Variants in PNPLA7 observed in about 807,000 individuals in gnomAD.
PNPLA7 encodes patatin like domain 7, lysophospholipase, also known as patatin-like phospholipase domain-containing protein 7.
In PNPLA7, 153 loss-of-function variants were observed where a neutral mutation model predicts 161.7. The observed-to-expected ratio is 0.95, with a 90% confidence interval of 0.83 to 1.08. PNPLA7 has a LOEUF of 1.08. Among genes scored for constraint, PNPLA7 ranks in the 50% least tolerant of loss-of-function variants. PNPLA7 has a pLI of 0.00. For synonymous variants in PNPLA7, 809 were observed against 782.1 expected (o/e 1.03, Z -0.57); for missense variants, 1,739 against 1,856.6 (o/e 0.94, Z 1.16).
intron 8 of PNPLA7, among the ~76,000 whole-genome samples, chr9:137,530,131 AT>A (rs1262828756): frequency 6.6e-6 from 1 of 151,426 alleles, no homozygotes; most frequent in Non-Finnish European, 1.5e-5. Context: ...CACCCAGCTA[AT>A]TTTTTTGTAT....
chr9:137,502,904 C>T (rs1226160029), intron 14 of PNPLA7, among the ~76,000 whole-genome samples: 3 of 151,566 alleles, frequency 2.0e-5, no homozygotes, highest in Non-Finnish European at 2.9e-5. Context: ...CCACCAGTGA[C>T]GTGCTATGAT....
chr9:137,461,489 A>T (rs751702745), intron 33 of PNPLA7, 47 bp downstream of exon 33: 150 of 1,553,566 alleles, frequency 9.7e-5, no homozygotes, highest in Non-Finnish European at 1.3e-4. Flanking sequence ...ACACAGCATC[A>T]GGAGGTCACG....
At chr9:137,504,598 G>C (rs1833811724) in intron 14 of PNPLA7, among the ~76,000 whole-genome samples, 1 of 152,206 alleles carries the variant, frequency 6.6e-6, no homozygotes, top group Non-Finnish European at 1.5e-5. Flanking sequence ...AAACCACTGA[G>C]AACCACTCAT....
chr9:137,460,628 C>T lies in PNPLA7; in HGVS notation c.3945+6G>A, dbSNP rs775071174. The T allele has an allele frequency of 1.2e-6, 2 of 1,611,120 alleles. No homozygotes were observed. The highest frequency in any genetic ancestry group is 4.5e-5 in the East Asian group (2 of 44,864). On this transcript the variant is annotated splice_donor_region_variant and intron_variant, in intron 34 of 34. Transcript: ENST00000406427. Reference sequence around the variant, plus strand: ...GCACCAGGTGGGACCATGCCCAGCTCCTCACCAAGTCTGAGCCCTGCTGGG... The same window carrying T: ...GCACCAGGTGGGACCATGCCCAGCTTCTCACCAAGTCTGAGCCCTGCTGGG...
chr9:137,460,543 C>T, intron 34 of PNPLA7, 67 bp from the exon 35 acceptor site: 6 of 1,600,336 alleles, frequency 3.7e-6, no homozygotes, highest in Admixed American at 1.7e-5. Flanking sequence ...GCTGGTAACC[C>T]GGTGGGACCA....
chr9:137,475,468 C>T (rs529806806), intron 25 of PNPLA7, among the ~76,000 whole-genome samples: 23 of 152,284 alleles, frequency 1.5e-4, no homozygotes, highest in Middle Eastern at 6.8e-3. Context: ...TCCATCCCCC[C>T]GGTTCACGCC....
intron 4 of PNPLA7, among the ~76,000 whole-genome samples, chr9:137,545,602 A>G (rs1273669068): frequency 6.6e-6 from 1 of 152,234 alleles, no homozygotes. Flanking sequence ...CTACATATAG[A>G]TCTTAGATAT....
At chr9:137,487,479 G>A (rs1017284121) in intron 20 of PNPLA7, among the ~76,000 whole-genome samples, 12 of 152,224 alleles carry the variant, frequency 7.9e-5, no homozygotes, top group South Asian at 6.2e-4. Flanking sequence ...CCTGCCTGAC[G>A]CATGTGCAGC....
Position 137,523,217 on chromosome 9 carries a change from G to A in PNPLA7, c.748-360C>T, listed in dbSNP as rs1043142380. On this transcript the variant is annotated intron_variant, in intron 8 of 34. Coordinates refer to ENST00000406427, the MANE Select transcript of PNPLA7 (RefSeq NM_001098537.3). This position sits in a 1 kb window ranked among gnomAD's most constrained non-coding sequence, Gnocchi z 4.4. ...GTCCTACTCTACGTCCGACATCAGC[G>A]TCGGTACCCCTCGCCAAAGGGCGTG... 6.6e-6 allele frequency among the ~76,000 whole-genome samples: 1 copy of A among 152,122 alleles called. No homozygotes were observed. The highest frequency in any genetic ancestry group is 1.5e-5 in the Non-Finnish European group (1 of 68,018).
In PNPLA7 at chr9:137,476,474, T is replaced by C. The variant is rs1831947965; in HGVS notation, c.2882+1560A>G. Among the ~76,000 whole-genome samples the C allele has an allele frequency of 6.6e-6, 1 of 151,942 alleles. No individual in the cohort carries two copies. The highest frequency in any genetic ancestry group is 1.5e-5 in the Non-Finnish European group (1 of 67,990). On this transcript the variant is annotated intron_variant, in intron 25 of 34. Coordinates refer to ENST00000406427, the MANE Select transcript of PNPLA7 (RefSeq NM_001098537.3). The surrounding 1 kb of genome is among the most constrained non-coding windows in gnomAD (Gnocchi z 4.5). ...ATAGTTAGCAGACTCTGATTGCGGG[T>C]GTTGAAGGGGGTTAAGAAGTCAACA...
In PNPLA7 at chr9:137,500,816, C is replaced by G. The variant is rs759340101; in HGVS notation, c.1632G>C (p.Leu544Phe). 1 of 1,607,066 alleles carries G rather than the reference C, an allele frequency of 6.2e-7. No homozygotes were observed. Among genetic ancestry groups the G allele is most frequent in the Non-Finnish European group, 8.5e-7 (1 of 1,177,996 alleles). ...RKIGSQEDTC[L>F]FLTRPGEMVG... ...CCATCTCCCCGGGGCGCGTGAGGAA[C>G]AAGCAGGTGTCCTCCTGGCTGCCGA... Residue 544 changes from leucine to phenylalanine, a missense_variant, in exon 16 of 35, where the codon TTG becomes TTC. By Grantham distance (22) the Leu-to-Phe change is conservative (BLOSUM62 0). Coordinates refer to ENST00000406427, the MANE Select transcript of PNPLA7 (RefSeq NM_001098537.3). This position sits in a 1 kb window ranked among gnomAD's most constrained non-coding sequence, Gnocchi z 5.5.
At chr9:137,514,272 G>C (rs1393386164) in intron 12 of PNPLA7, among the ~76,000 whole-genome samples, 2 of 144,174 alleles carry the variant, frequency 1.4e-5, no homozygotes, top group Admixed American at 1.4e-4. Context: ...CCTGGCTGTT[G>C]AGATGCCCGG....
chr9:137,533,287 T>A (rs1320139083), intron 8 of PNPLA7, among the ~76,000 whole-genome samples: 6 of 129,046 alleles, frequency 4.6e-5, no homozygotes, highest in Admixed American at 3.2e-4. Context: ...GCGGGAGGAC[T>A]CCCAGAATCC....
Position 137,460,085 on chromosome 9 carries a change from T to TTCACAGGGCTTCGGGGGGCC in PNPLA7, c.*288_*307dup, listed in dbSNP as rs1219819632. 5.4e-5 allele frequency: 17 copies of TTCACAGGGCTTCGGGGGGCC among 315,426 alleles called. No homozygotes were observed. Among genetic ancestry groups the TTCACAGGGCTTCGGGGGGCC allele is most frequent in the East Asian group, 2.9e-4 (4 of 13,802 alleles). The allele number at this position is 315,426 out of a possible 1,614,324, so 19.5% of individuals were successfully genotyped here. A position where few individuals can be genotyped will look rare whatever the true frequency, so the allele number is the denominator to read the frequency against. On this transcript the variant is annotated 3_prime_UTR_variant, in exon 35 of 35. Transcript: ENST00000406427. ...GGGGGCCTCACAGGGCAGCAGGTGG[T>TTCACAGGGCTTCGGGGGGCC]TCACAGGGCTTCGGGGGGCCTCACA... is the stretch of plus-strand genomic sequence containing the variant.
chr9:137,495,595 C>A (rs998187273), intron 18 of PNPLA7, among the ~76,000 whole-genome samples: 1 of 152,140 alleles, frequency 6.6e-6, no homozygotes, highest in Non-Finnish European at 1.5e-5. Flanking sequence ...AGATGCCCAC[C>A]ACCACGCCCG....
intron 18 of PNPLA7, 113 bp downstream of exon 18, chr9:137,497,074 C>T (rs1333166249): frequency 3.1e-6 from 4 of 1,288,006 alleles, no homozygotes; most frequent in Non-Finnish European, 4.0e-6. Flanking sequence ...CTACCATCCA[C>T]TCCTGGGGCT....
chr9:137,515,679 G>C (rs571160227), intron 11 of PNPLA7, among the ~76,000 whole-genome samples, 160 bp from the exon 12 acceptor site: 1 of 151,546 alleles, frequency 6.6e-6, no homozygotes, highest in Non-Finnish European at 1.5e-5. Flanking sequence ...TGCATCTGCC[G>C]GGCCAGCAGG....
In PNPLA7 at chr9:137,500,626, C is replaced by T. The variant is rs180928813; in HGVS notation, c.1757+65G>A. 2,202 of 1,481,474 alleles carry T rather than the reference C, an allele frequency of 1.5e-3. 4 individuals are homozygous for T. Among genetic ancestry groups the T allele is most frequent in the East Asian group, 3.1e-3 (132 of 42,784 alleles). The allele number at this position is 1,481,474 out of a possible 1,614,324, so 91.8% of individuals were successfully genotyped here. A position where few individuals can be genotyped will look rare whatever the true frequency, so the allele number is the denominator to read the frequency against. ...GAGCACCAGGAAGAGGCCGGCCACG[C>T]GGGGAGGGGTCTCAGGGCAGGGGGG... On this transcript the variant is annotated intron_variant, in intron 16 of 34. Transcript: ENST00000406427. The surrounding 1 kb of genome is among the most constrained non-coding windows in gnomAD (Gnocchi z 5.5).
At chr9:137,501,751 GAA>G in intron 14 of PNPLA7, 24 bp from the exon 15 acceptor site, 1 of 1,608,552 alleles carries the variant, frequency 6.2e-7, no homozygotes, top group Non-Finnish European at 8.5e-7. Context: ...AGACTTCAGG[GAA>G]CACGGGCGGG....
Sources: gnomAD v4.1 joint callset for allele counts (sites outside exome capture counted in the v4.1 genomes callset) on GRCh38, gnomAD v4.1.1 for gene constraint, Gnocchi (gnomAD v3.1) non-coding constraint, MANE v1.5 for transcripts, NCBI Gene and HGNC (gene_info 2026-07-23, HGNC 2026-07-21) for gene names.